NBAS: variants seen among roughly 807,000 people sequenced by gnomAD.
The protein encoded by NBAS is NBAS subunit of NRZ tethering complex, also known as NAG/BC035112 fusion.
In NBAS, 219 loss-of-function variants were observed where a neutral mutation model predicts 302.5. The observed-to-expected ratio is 0.72, with a 90% CI of 0.65 to 0.81. NBAS has a LOEUF of 0.81. Among genes scored for constraint, NBAS ranks in the 30% least tolerant of loss-of-function variants. NBAS has a pLI of 0.00. For missense variants in NBAS, 2,932 were observed against 2,841.6 expected (o/e 1.03, Z -0.72); for synonymous variants, 1,118 against 1,021.6 (o/e 1.09, Z -1.80).
Position 15,287,090 on chromosome 2 carries a change from G to C in NBAS, c.5121C>G (p.Phe1707Leu), listed in dbSNP as rs867443292. The change falls in exon 42 of 52, where the codon TTC becomes TTG. Residue 1707 changes from phenylalanine to leucine, a missense_variant. Physicochemically the swap from Phe to Leu is conservative, Grantham distance 22 (BLOSUM62 0). Transcript: ENST00000281513. ...GTGCTTACCCACTGTCCGTGAAGAG[G>C]AACTCCAAATGGGTCATAAAAACTT... ...RWEVFMTHLE[F>L]LFTDSGLSTL... is the part of the protein sequence containing the mutation. 6.2e-7 allele frequency: 1 copy of C among 1,612,144 alleles called. No homozygotes were observed. The highest frequency in any genetic ancestry group is 2.2e-5 in the East Asian group (1 of 44,864).
the NBAS span, among the ~76,000 whole-genome samples, chr2:14,873,236 C>G: frequency 6.6e-6 from 1 of 150,710 alleles, no homozygotes; most frequent in East Asian, 1.9e-4. Context: ...AAACCTTTAG[C>G]TAGACACAGA....
chr2:15,147,808 A>T, the NBAS span, among the ~76,000 whole-genome samples: 4 of 152,020 alleles, frequency 2.6e-5, no homozygotes, highest in African/African-American at 9.7e-5. Context: ...TAATTATCAC[A>T]TCAGTTCATG....
chr2:15,274,996 T>C (rs1186185502), intron 44 of NBAS, among the ~76,000 whole-genome samples: 1 of 151,772 alleles, frequency 6.6e-6, no homozygotes, highest in Non-Finnish European at 1.5e-5. Context: ...TTGGCCAGGC[T>C]GGTCTCAAAC....
At chr2:15,261,335 C>T (rs992780058) in intron 44 of NBAS, among the ~76,000 whole-genome samples, 9 of 152,042 alleles carry the variant, frequency 5.9e-5, no homozygotes, top group Non-Finnish European at 7.4e-5. Flanking sequence ...TATGATGAAA[C>T]GGTATTTTAA....
At chr2:15,494,673 T>C (rs1298619400) in intron 11 of NBAS, among the ~76,000 whole-genome samples, 1 of 152,154 alleles carries the variant, frequency 6.6e-6, no homozygotes, top group African/African-American at 2.4e-5. Context: ...ATATAAATGC[T>C]AGAATACAAG....
Position 15,383,198 on chromosome 2 carries a change from T to C in NBAS, c.3360+17A>G, listed in dbSNP as rs201033267. ...ATTGTTAAATTAAAAAAAAATCGTATATGGTTCTAGAGTTACCTCATAGCA... is the reference window on the plus strand; with the variant it reads ...ATTGTTAAATTAAAAAAAAATCGTACATGGTTCTAGAGTTACCTCATAGCA... On this transcript the variant is annotated intron_variant, in intron 29 of 51. Transcript: ENST00000281513. 1.6e-4 allele frequency: 256 copies of C among 1,596,432 alleles called. 6 individuals are homozygous for C. The South Asian group carries it at 2.2e-3, about 14-fold the overall frequency.
the NBAS span, among the ~76,000 whole-genome samples, chr2:14,888,448 GC>G: frequency 0.038 from 5,734 of 149,278 alleles, 133 homozygotes; most frequent in Non-Finnish European, 0.052. Context: ...ACGGCACCCG[GC>G]CCCCCCTTTT....
At chr2:15,277,183 C>G in intron 42 of NBAS, 82 bp from the exon 43 acceptor site, 2 of 1,521,808 alleles carry the variant, frequency 1.3e-6, no homozygotes, top group Non-Finnish European at 1.8e-6. Flanking sequence ...GGAAGAAACA[C>G]TACTTCTTAT....
downstream of NBAS, among the ~76,000 whole-genome samples, chr2:15,162,317 AC>A (rs887811413): frequency 6.6e-6 from 1 of 151,976 alleles, no homozygotes; most frequent in Non-Finnish European, 1.5e-5. Flanking sequence ...GCATCAGGAT[AC>A]CCCCAGCTTC....
the NBAS span, among the ~76,000 whole-genome samples, chr2:15,113,320 CGT>C: frequency 0.03 from 3,899 of 129,864 alleles, 69 homozygotes; most frequent in African/African-American, 0.053. Flanking sequence ...GGTATGAACT[CGT>C]GTGTGTGTGT....
intron 35 of NBAS, among the ~76,000 whole-genome samples, chr2:15,341,398 A>G (rs199941953): frequency 5.4e-5 from 5 of 92,580 alleles, no homozygotes; most frequent in Non-Finnish European, 1.1e-4. Flanking sequence ...ATAAATAAAT[A>G]AATGAATAAA....
chr2:15,076,259 A>T, the NBAS span, among the ~76,000 whole-genome samples: 1 of 152,236 alleles, frequency 6.6e-6, no homozygotes, highest in Non-Finnish European at 1.5e-5. Flanking sequence ...TTGAAAACCC[A>T]GAAGTCTGAT....
intron 12 of NBAS, among the ~76,000 whole-genome samples, chr2:15,487,456 A>C (rs537781425): frequency 6.6e-6 from 1 of 152,232 alleles, no homozygotes; most frequent in African/African-American, 2.4e-5. Flanking sequence ...AAAGTCACCT[A>C]CCCTATCCAC....
the NBAS span, among the ~76,000 whole-genome samples, chr2:15,105,610 C>T: frequency 1.3e-5 from 2 of 152,086 alleles, no homozygotes; most frequent in African/African-American, 2.4e-5. Flanking sequence ...TCAGGACCAA[C>T]GACAGAGCTC....
At chr2:15,420,330 G>A (rs938538942) in intron 23 of NBAS, among the ~76,000 whole-genome samples, 1 of 152,182 alleles carries the variant, frequency 6.6e-6, no homozygotes, top group South Asian at 2.1e-4. Flanking sequence ...GTAGACTGAG[G>A]TGGGCTGTCA....
the NBAS span, among the ~76,000 whole-genome samples, chr2:14,839,934 C>A: frequency 3.2e-4 from 49 of 151,848 alleles, no homozygotes; most frequent in Non-Finnish European, 5.4e-4. Flanking sequence ...ACAGACAAAG[C>A]AAGTAACAAG....
intron 11 of NBAS, among the ~76,000 whole-genome samples, chr2:15,491,874 T>G (rs551922409): frequency 6.6e-6 from 1 of 152,354 alleles, no homozygotes; most frequent in South Asian, 2.1e-4. Flanking sequence ...CTGTGTTTTG[T>G]GATAGGAGCC....
chr2:15,267,472 A>G (rs1191626931), intron 44 of NBAS, among the ~76,000 whole-genome samples: 1 of 152,240 alleles, frequency 6.6e-6, no homozygotes, highest in East Asian at 1.9e-4. Flanking sequence ...AGTTGAGTTC[A>G]GTATGATTAT....
At chr2:15,042,891 G>A in the NBAS span, among the ~76,000 whole-genome samples, 2 of 152,190 alleles carry the variant, frequency 1.3e-5, no homozygotes, top group African/African-American at 2.4e-5. Context: ...TCAGACTTCG[G>A]TCTGATGCAA....
Sources: allele counts gnomAD v4.1 joint callset (sites outside exome capture counted in the v4.1 genomes callset), GRCh38; gene constraint gnomAD v4.1.1; transcripts MANE v1.5; gene names NCBI Gene and HGNC (gene_info 2026-07-23, HGNC 2026-07-21).